The following GRIN2B variants were observed in gnomAD, a reference collection of about 807,000 sequenced individuals.
GRIN2B encodes the protein glutamate receptor ionotropic, NMDA 2B.
Under a neutral mutation model 114.5 loss-of-function variants are expected in GRIN2B, and 5 were observed. The ratio of observed to expected loss-of-function variants is 0.04; its 90% CI spans 0.02 to 0.09. GRIN2B has a LOEUF of 0.09. GRIN2B is among the 10% of genes least tolerant of loss of function. The pLI, the probability that GRIN2B is intolerant of heterozygous loss-of-function variation, is 1.00. For missense variants in GRIN2B, 1,108 were observed against 1,943.5 expected, an observed-to-expected ratio of 0.57 and a Z score of 8.08; for synonymous variants, 787 against 745.1, an observed-to-expected ratio of 1.06 and a Z score of -0.92.
In GRIN2B at chr12:13,553,546, A is replaced by G. The variant is rs1171240503; in HGVS notation, c.*9237T>C. ...GTGACCAGCACAGACAGTTCCCCCA[A>G]GGCCACAAATGTGGAAGTAGCGTGT... On this transcript the variant is annotated 3_prime_UTR_variant, in exon 14 of 14. Coordinates refer to ENST00000609686, the MANE Select transcript of GRIN2B (RefSeq NM_000834.5). 1 of 152,230 alleles carries G rather than the reference A, an allele frequency of 6.6e-6. No individual in the cohort carries two copies. The highest frequency in any genetic ancestry group is 1.5e-5 in the Non-Finnish European group (1 of 68,042). 9.4% of individuals were successfully genotyped at this position (152,230 alleles called of 1,614,324 possible).
intron 4 of GRIN2B, among the ~76,000 whole-genome samples, chr12:13,682,473 C>T (rs1950140140): frequency 6.6e-6 from 1 of 152,182 alleles, no homozygotes; most frequent in African/African-American, 2.4e-5. Flanking sequence ...CAGTGGATAA[C>T]ACATTTTCTC....
chr12:13,687,734 G>A (rs904728941), intron 4 of GRIN2B, among the ~76,000 whole-genome samples: 5 of 152,150 alleles, frequency 3.3e-5, no homozygotes, highest in Admixed American at 1.3e-4. Context: ...TGAATGAAAG[G>A]AAGAATTAGC....
chr12:13,980,817 C>CGATGTG (rs1863119655), intron 1 of GRIN2B, among the ~76,000 whole-genome samples: 1 of 152,218 alleles, frequency 6.6e-6, no homozygotes, highest in African/African-American at 2.4e-5. Context: ...GCGCCGCCTC[C>CGATGTG]CACCCCGGGC....
chr12:13,570,821 C>A (rs1286256131), intron 11 of GRIN2B, among the ~76,000 whole-genome samples: 1 of 152,188 alleles, frequency 6.6e-6, no homozygotes, highest in Non-Finnish European at 1.5e-5. Flanking sequence ...ATAGAGAGGT[C>A]TGCAAGAAAG....
At chr12:13,929,960 C>T (rs140488241) in intron 2 of GRIN2B, among the ~76,000 whole-genome samples, 9 of 152,010 alleles carry the variant, frequency 5.9e-5, no homozygotes, top group East Asian at 1.9e-4. Context: ...CTGAGGCGGG[C>T]GGATCACGAG....
intron 4 of GRIN2B, among the ~76,000 whole-genome samples, chr12:13,686,936 C>T (rs4623992): frequency 0.98 from 149,463 of 152,216 alleles, 73,441 homozygotes; most frequent in Middle Eastern, 1. Context: ...TAAGTTCCTT[C>T]TTTATCAGGT....
In GRIN2B at chr12:13,862,127, T is replaced by A. The variant is rs117337718; in HGVS notation, c.411+3671A>T. 7.9e-3 allele frequency among the ~76,000 whole-genome samples: 1,206 copies of A among 152,284 alleles called. 23 individuals are homozygous for A. The highest frequency in any genetic ancestry group is 0.028 in the African/African-American group (1,155 of 41,550). ...GCCCTACTCAGCTAGCCCCCGTGCT[T>A]CTTTCCACCATAATATAAAGCTCAT... On this transcript the variant is annotated intron_variant, in intron 3 of 13. Coordinates refer to ENST00000609686, the MANE Select transcript of GRIN2B (RefSeq NM_000834.5).
At chr12:13,575,520 G>A (rs11611570) in intron 10 of GRIN2B, among the ~76,000 whole-genome samples, 17,880 of 151,902 alleles carry the variant, frequency 0.12, 1,106 homozygotes, top group African/African-American at 0.13. Flanking sequence ...TTAGCCGTGC[G>A]TGGTGGCATG....
chr12:13,627,770 G>C (rs191877484), intron 5 of GRIN2B, among the ~76,000 whole-genome samples: 83 of 152,338 alleles, frequency 5.4e-4, no homozygotes, highest in Admixed American at 3.1e-3. Flanking sequence ...GACAGCCACA[G>C]AGTCTACAGT....
chr12:13,742,136 CT>C (rs1263481483), intron 4 of GRIN2B, among the ~76,000 whole-genome samples: 1 of 152,082 alleles, frequency 6.6e-6, no homozygotes, highest in African/African-American at 2.4e-5. Flanking sequence ...AATGACTATG[CT>C]TTTTTGCTAT....
At chr12:13,950,566 G>T (rs1398369856) in intron 2 of GRIN2B, among the ~76,000 whole-genome samples, 1 of 152,134 alleles carries the variant, frequency 6.6e-6, no homozygotes, top group Non-Finnish European at 1.5e-5. Flanking sequence ...TGCTATTATT[G>T]TTTCTTATAT....
intron 5 of GRIN2B, among the ~76,000 whole-genome samples, chr12:13,655,095 T>C (rs541258032): frequency 6.6e-6 from 1 of 152,224 alleles, no homozygotes; most frequent in South Asian, 2.1e-4. Context: ...GTAACACTTT[T>C]GAGAAACCCA....
chr12:13,566,365 A>T (rs1948639755), intron 13 of GRIN2B, among the ~76,000 whole-genome samples: 1 of 152,150 alleles, frequency 6.6e-6, no homozygotes, highest in Admixed American at 6.5e-5. Flanking sequence ...CTCACTTTTT[A>T]AAAAAACTTC....
chr12:13,628,782 T>C (rs532192544), intron 5 of GRIN2B, among the ~76,000 whole-genome samples: 2 of 152,350 alleles, frequency 1.3e-5, no homozygotes, highest in African/African-American at 4.8e-5. Flanking sequence ...ATGACAATAT[T>C]TTCCAGACCA....
intron 2 of GRIN2B, among the ~76,000 whole-genome samples, chr12:13,919,636 T>A (rs1431209113): frequency 1.3e-5 from 2 of 152,134 alleles, no homozygotes; most frequent in Non-Finnish European, 2.9e-5. Context: ...AAACTAAGTC[T>A]TTGGGTTTAC....
intron 5 of GRIN2B, chr12:13,634,373 A>G (rs563532826): frequency 6.6e-6 from 1 of 152,332 alleles, no homozygotes; most frequent in African/African-American, 2.4e-5. Flanking sequence ...ACACAATAGA[A>G]TTTCATTTCT....
chr12:13,673,156 C>T (rs1950039208), intron 5 of GRIN2B, among the ~76,000 whole-genome samples: 1 of 152,016 alleles, frequency 6.6e-6, no homozygotes. Context: ...GATTTTATCT[C>T]AGTCAAAGAT....
rs2136388728 is a variant in GRIN2B, at chr12:13,551,117, G to A, written c.*11666C>T. 6.6e-6 allele frequency: 1 copy of A among 152,052 alleles called. No homozygotes were observed. Among genetic ancestry groups the A allele is most frequent in the Middle Eastern group, 3.4e-3 (1 of 294 alleles). 9.4% of individuals were successfully genotyped at this position (152,052 alleles called of 1,614,324 possible). Reference sequence around the variant, plus strand: ...TATGTGAAACCTTGATATTTTTCTTGCTCCTGACCCTGGGAGAGAGAGAAC... The same window carrying A: ...TATGTGAAACCTTGATATTTTTCTTACTCCTGACCCTGGGAGAGAGAGAAC... On this transcript the variant is annotated 3_prime_UTR_variant, in exon 14 of 14. Transcript: ENST00000609686.
At chr12:13,708,474 T>C (rs1391144192) in intron 4 of GRIN2B, among the ~76,000 whole-genome samples, 1 of 152,212 alleles carries the variant, frequency 6.6e-6, no homozygotes, top group Non-Finnish European at 1.5e-5. Context: ...CTATTTCTGA[T>C]TTCATTTATC....
Sources: gnomAD v4.1 joint callset for allele counts (sites outside exome capture counted in the v4.1 genomes callset) on GRCh38, gnomAD v4.1.1 for gene constraint, MANE v1.5 for transcripts, NCBI Gene and HGNC (gene_info 2026-07-23, HGNC 2026-07-21) for gene names.